The following LPP variants were observed in gnomAD, a reference collection of about 807,000 sequenced individuals.
LPP encodes the protein LIM domain containing preferred translocation partner in lipoma.
Under a neutral mutation model 60.4 loss-of-function variants are expected in LPP, and 38 were observed. That is an observed-to-expected ratio of 0.63 (90% CI 0.49 to 0.83). The LOEUF (loss-of-function observed/expected upper bound fraction) is 0.83, where lower values mean the gene tolerates loss of function less well. Among genes scored for constraint, LPP ranks in the 40% least tolerant of loss-of-function variants. The pLI is 0.00. For synonymous variants in LPP, 328 were observed against 290.8 expected (o/e 1.13, Z -1.30); for missense variants, 902 against 783.6 (o/e 1.15, Z -1.80).
intron 3 of LPP, among the ~76,000 whole-genome samples, chr3:188,379,096 T>G (rs1776150505): frequency 1.3e-5 from 2 of 151,992 alleles, no homozygotes; most frequent in African/African-American, 4.8e-5. Flanking sequence ...CTTTCTTTTT[T>G]TTTTTCTTCC....
chr3:188,276,861 A>G (rs1740014115), intron 2 of LPP, among the ~76,000 whole-genome samples: 1 of 147,782 alleles, frequency 6.8e-6, no homozygotes, highest in Non-Finnish European at 1.5e-5. Flanking sequence ...CTGTGAGCCA[A>G]TAATTCAACA....
intron 9 of LPP, among the ~76,000 whole-genome samples, chr3:188,829,452 A>T (rs1252063502): frequency 6.6e-6 from 1 of 152,110 alleles, no homozygotes; most frequent in Non-Finnish European, 1.5e-5. Flanking sequence ...TAAAACCTCT[A>T]TGCATGCCCC....
chr3:188,674,450 G>A (rs191855334), intron 7 of LPP, among the ~76,000 whole-genome samples: 327 of 152,176 alleles, frequency 2.1e-3, no homozygotes, highest in Non-Finnish European at 3.3e-3. Flanking sequence ...ATAGAGTCAC[G>A]CCTTTAAATC....
intron 1 of LPP, among the ~76,000 whole-genome samples, chr3:188,204,790 C>T (rs17665246): frequency 0.37 from 55,805 of 152,002 alleles, 11,538 homozygotes; most frequent in Non-Finnish European, 0.48. Context: ...TTTTCTCAAA[C>T]TCACATTTCT....
chr3:188,203,128 ATAT>A (rs1301067621), intron 1 of LPP, among the ~76,000 whole-genome samples: 2 of 140,346 alleles, frequency 1.4e-5, no homozygotes, highest in Non-Finnish European at 3.0e-5. Context: ...TATAAAATGT[ATAT>A]TATATTATAA....
At chr3:188,326,858 T>C (rs1017579137) in intron 2 of LPP, among the ~76,000 whole-genome samples, 1 of 152,200 alleles carries the variant, frequency 6.6e-6, no homozygotes, top group Non-Finnish European at 1.5e-5. Context: ...CATTCTTTTT[T>C]CTTTGGGTCT....
chr3:188,200,262 T>TA (rs1340441605), intron 1 of LPP, among the ~76,000 whole-genome samples: 36 of 151,394 alleles, frequency 2.4e-4, no homozygotes, highest in African/African-American at 8.0e-4. Flanking sequence ...TTTTTTTTTT[T>TA]TTCTGAGACG....
intron 6 of LPP, among the ~76,000 whole-genome samples, chr3:188,589,449 A>C (rs906120191): frequency 1.3e-5 from 2 of 152,162 alleles, no homozygotes; most frequent in Admixed American, 6.6e-5. Context: ...TAGATAAATA[A>C]GATATGTATA....
chr3:188,322,238 T>A (rs1294805486), intron 2 of LPP, among the ~76,000 whole-genome samples: 4 of 152,224 alleles, frequency 2.6e-5, no homozygotes, highest in Non-Finnish European at 5.9e-5. Context: ...TACTTTTCAC[T>A]GGGTGGTTTT....
chr3:188,393,000 T>A (rs773446187), intron 3 of LPP, among the ~76,000 whole-genome samples: 2 of 149,358 alleles, frequency 1.3e-5, no homozygotes, highest in Non-Finnish European at 3.0e-5. Context: ...TGTACCCTAG[T>A]GAGTGCATTT....
chr3:188,485,657 C>T (rs1172571050), intron 5 of LPP, among the ~76,000 whole-genome samples: 1 of 151,068 alleles, frequency 6.6e-6, no homozygotes, highest in Admixed American at 6.6e-5. Flanking sequence ...ATTAGCCGGG[C>T]GTAGTGGCGG....
At chr3:188,384,078 TG>T (rs559817620) in intron 3 of LPP, among the ~76,000 whole-genome samples, 25 of 152,310 alleles carry the variant, frequency 1.6e-4, no homozygotes, top group Non-Finnish European at 3.2e-4. Context: ...ATATTGAAAA[TG>T]GTACTCCATT....
intron 9 of LPP, among the ~76,000 whole-genome samples, chr3:188,852,099 G>C (rs1236070818): frequency 6.6e-6 from 1 of 152,226 alleles, no homozygotes; most frequent in African/African-American, 2.4e-5. Flanking sequence ...AAGAGGCAGA[G>C]GTTGCAGTGA....
chr3:188,273,672 T>C (rs906674282), intron 2 of LPP, among the ~76,000 whole-genome samples: 3 of 142,166 alleles, frequency 2.1e-5, no homozygotes, highest in African/African-American at 7.8e-5. Context: ...CTCGGCTTAC[T>C]GCAACCTCCA....
intron 5 of LPP, among the ~76,000 whole-genome samples, chr3:188,497,303 T>C (rs116141166): frequency 1.7e-3 from 255 of 152,316 alleles, no homozygotes; most frequent in African/African-American, 5.8e-3. Context: ...GGTGGTATGA[T>C]AGTATGATAA....
intron 9 of LPP, among the ~76,000 whole-genome samples, chr3:188,773,955 A>C (rs956550482): frequency 6.6e-6 from 1 of 152,190 alleles, no homozygotes; most frequent in African/African-American, 2.4e-5. Context: ...CTAGTACCTC[A>C]TAGTCATTCA....
At chr3:188,710,516 A>G (rs1378880621) in intron 8 of LPP, 2 of 152,236 alleles carry the variant, frequency 1.3e-5, no homozygotes, top group African/African-American at 4.8e-5. Context: ...GAGATTAACA[A>G]CAATGCATGG....
At chr3:188,735,455 C>T (rs1435138804) in intron 8 of LPP, among the ~76,000 whole-genome samples, 4 of 152,060 alleles carry the variant, frequency 2.6e-5, no homozygotes, top group Non-Finnish European at 5.9e-5. Flanking sequence ...GATCTCAGCT[C>T]ACTGCAACCT....
chr3:188,845,300 C>A (rs923572671), intron 9 of LPP, among the ~76,000 whole-genome samples: 5 of 152,156 alleles, frequency 3.3e-5, no homozygotes, highest in African/African-American at 1.2e-4. Context: ...TGAGATTCTG[C>A]GGTCAAGGCT....
Sources: allele counts gnomAD v4.1 joint callset (sites outside exome capture counted in the v4.1 genomes callset), GRCh38; gene constraint gnomAD v4.1.1; transcripts MANE v1.5; gene names NCBI Gene and HGNC (gene_info 2026-07-23, HGNC 2026-07-21).